The following DROSHA variants were observed in gnomAD, a reference collection of about 807,000 sequenced individuals.
DROSHA encodes the protein ribonuclease 3.
Under a neutral mutation model 181.9 loss-of-function variants are expected in DROSHA, and 56 were observed. The ratio of observed to expected loss-of-function variants is 0.31; its 90% CI spans 0.25 to 0.38. The LOEUF is 0.38. DROSHA is among the 10% of genes least tolerant of loss of function. The pLI is 1.00. For missense variants in DROSHA, 1,218 were observed against 1,743.5 expected, an observed-to-expected ratio of 0.70 and a Z score of 5.37; for synonymous variants, 524 against 591.2, an observed-to-expected ratio of 0.89 and a Z score of 1.65.
At chr5:31,497,208 C>T (rs926244626) in intron 11 of DROSHA, among the ~76,000 whole-genome samples, 7 of 47,280 alleles carry the variant, frequency 1.5e-4, no homozygotes, top group Non-Finnish European at 6.6e-5. Flanking sequence ...ATCAGGAGTG[C>T]AGAGAGGATA....
chr5:31,417,305 T>C (rs979826189), intron 30 of DROSHA, among the ~76,000 whole-genome samples: 1 of 152,182 alleles, frequency 6.6e-6, no homozygotes, highest in Non-Finnish European at 1.5e-5. Flanking sequence ...AAGAGTCTTA[T>C]GAAAAACAGA....
intron 29 of DROSHA, 88 bp from the exon 30 acceptor site, chr5:31,421,465 T>TA: frequency 9.4e-7 from 1 of 1,060,308 alleles, no homozygotes; most frequent in Admixed American, 1.9e-5. Context: ...AGGAATGACT[T>TA]AAAAAGACAA....
chr5:31,498,648 G>A (rs1371939753), intron 11 of DROSHA, among the ~76,000 whole-genome samples: 9 of 151,866 alleles, frequency 5.9e-5, no homozygotes, highest in Admixed American at 4.6e-4. Context: ...GCCTGAGGTC[G>A]GGAGTTCAAG....
intron 31 of DROSHA, 36 bp downstream of exon 31, chr5:31,410,710 A>G: frequency 6.2e-7 from 1 of 1,600,022 alleles, no homozygotes; most frequent in Middle Eastern, 1.7e-4. Flanking sequence ...TTAAACTCTG[A>G]ACCTGGAGGT....
At chr5:31,507,624 CA>C (rs933952330) in intron 10 of DROSHA, among the ~76,000 whole-genome samples, 1 of 151,220 alleles carries the variant, frequency 6.6e-6, no homozygotes, top group African/African-American at 2.4e-5. Flanking sequence ...TCAAAAAAAA[CA>C]AAAAAACAAA....
intron 23 of DROSHA, among the ~76,000 whole-genome samples, chr5:31,443,392 GT>G (rs1745878961): frequency 6.6e-6 from 1 of 151,986 alleles, no homozygotes; most frequent in Non-Finnish European, 1.5e-5. Context: ...AGGCAGCTTG[GT>G]TTTCCCCTTT....
chr5:31,519,133 C>T lies in DROSHA; in HGVS notation c.947+1990G>A, dbSNP rs536873344. Among the ~76,000 whole-genome samples the T allele has an allele frequency of 3.7e-4, 57 of 152,226 alleles. 1 individual carries two copies. Among genetic ancestry groups the T allele is most frequent in the Middle Eastern group, 6.8e-3 (2 of 294 alleles). On this transcript the variant is annotated intron_variant, in intron 6 of 35. Coordinates refer to ENST00000344624, the MANE Select transcript of DROSHA (RefSeq NM_001382508.1). Reference sequence around the variant, plus strand: ...CATTTCTAATTTTTATTTTCTGCTGCGTTAGTCAGAACTTACAGAATTCAA... The same window carrying T: ...CATTTCTAATTTTTATTTTCTGCTGTGTTAGTCAGAACTTACAGAATTCAA...
In DROSHA at chr5:31,511,142, C is replaced by T; in HGVS notation, c.1325G>A (p.Arg442His). Reference protein sequence around the residue: ...DSTVVGTSRLRDLYDKFEEEL... With the variant: ...DSTVVGTSRLHDLYDKFEEEL... ...CTCCTCAAATTTGTCATATAAGTCA[C>T]GAAGCCTACTCGTTCCAACCACTGT... Residue 442 changes from arginine (R) to histidine (H), a missense_variant, in exon 9 of 36, where the codon CGT becomes CAT. This residue lies in a region of DROSHA where 460 missense variants were observed against 774.2 expected (regional missense o/e 0.59). Transcript: ENST00000344624. 2 of 1,613,796 alleles carry T rather than the reference C, an allele frequency of 1.2e-6. No homozygotes were observed. Among genetic ancestry groups the T allele is most frequent in the Non-Finnish European group, 1.7e-6 (2 of 1,179,822 alleles).
chr5:31,439,393 C>T (rs889663288), intron 23 of DROSHA, among the ~76,000 whole-genome samples: 3 of 152,126 alleles, frequency 2.0e-5, no homozygotes, highest in African/African-American at 7.2e-5. Flanking sequence ...ATCTCAGTGC[C>T]TATGTTCAAG....
At chr5:31,449,134 CAAAAA>C in intron 22 of DROSHA, 142 bp downstream of exon 22, 27 of 926,302 alleles carry the variant, frequency 2.9e-5, no homozygotes, top group South Asian at 9.9e-5. Context: ...GACCCTGTCT[CAAAAA>C]AAAAAAAAAA....
At chr5:31,466,414 A>G in intron 18 of DROSHA, 133 bp from the exon 19 acceptor site, 1 of 748,436 alleles carries the variant, frequency 1.3e-6, no homozygotes, top group Non-Finnish European at 2.2e-6. Flanking sequence ...GCAGAAAGCC[A>G]TCATTCTAAG....
At chr5:31,498,463 T>C (rs894449863) in intron 11 of DROSHA, among the ~76,000 whole-genome samples, 4 of 152,116 alleles carry the variant, frequency 2.6e-5, no homozygotes, top group African/African-American at 9.7e-5. Flanking sequence ...ATAGGAAATT[T>C]AAAAAGCTAG....
chr5:31,404,084 A>AT lies in DROSHA; in HGVS notation c.3994+1592dup, dbSNP rs57056439. ...AAGTGCATGCCACCAAGCCTGGCTA[A>AT]TTTTTTTTTTTTTTTTAATTTTTTG... On this transcript the variant is annotated intron_variant, in intron 35 of 35. Transcript: ENST00000344624. 2.1e-3 allele frequency among the ~76,000 whole-genome samples: 306 copies of AT among 144,564 alleles called. 1 individual carries two copies. Among genetic ancestry groups the AT allele is most frequent in the African/African-American group, 5.1e-3 (203 of 39,570 alleles). The allele number at this position is 144,564 out of a possible 152,430, so 94.8% of individuals were successfully genotyped here. A position where few individuals can be genotyped will look rare whatever the true frequency, so the allele number is the denominator to read the frequency against.
chr5:31,409,549 A>G lies in DROSHA; in HGVS notation c.3668-217T>C, dbSNP rs1741050291. 1.9e-6 allele frequency: 1 copy of G among 535,786 alleles called. No homozygotes were observed. Among genetic ancestry groups the G allele is most frequent in the Non-Finnish European group, 3.4e-6 (1 of 296,720 alleles). The allele number at this position is 535,786 out of a possible 1,614,324, so 33.2% of individuals were successfully genotyped here. ...ATGCAAATCATAGAGTACAAACACCAAACTGCATTTAGCTAAGGGCTAAAG... is the reference window on the plus strand; with the variant it reads ...ATGCAAATCATAGAGTACAAACACCGAACTGCATTTAGCTAAGGGCTAAAG... On this transcript the variant is annotated intron_variant, in intron 31 of 35. Coordinates refer to ENST00000344624, the MANE Select transcript of DROSHA (RefSeq NM_001382508.1). The surrounding 1 kb of genome is among the most constrained non-coding windows in gnomAD (Gnocchi z 4.0).
intron 13 of DROSHA, among the ~76,000 whole-genome samples, chr5:31,491,116 T>C (rs1752347785): frequency 6.6e-6 from 1 of 151,620 alleles, no homozygotes; most frequent in Non-Finnish European, 1.5e-5. Flanking sequence ...AAAAATTATG[T>C]CTGATTCTCA....
intron 3 of DROSHA, among the ~76,000 whole-genome samples, chr5:31,529,980 G>A (rs542222306): frequency 4.6e-5 from 7 of 152,266 alleles, no homozygotes; most frequent in African/African-American, 1.7e-4. Flanking sequence ...ACAAAAAGCT[G>A]TAACATAGAA....
intron 4 of DROSHA, among the ~76,000 whole-genome samples, chr5:31,528,469 C>T (rs1740851045): frequency 6.6e-6 from 1 of 152,166 alleles, no homozygotes; most frequent in South Asian, 2.1e-4. Flanking sequence ...AGGGAATCAT[C>T]TGACTTGTCC....
At chr5:31,457,840 T>G (rs1747853791) in intron 20 of DROSHA, among the ~76,000 whole-genome samples, 1 of 152,188 alleles carries the variant, frequency 6.6e-6, no homozygotes, top group African/African-American at 2.4e-5. Flanking sequence ...TAGTGAGCCA[T>G]GATCGCAGTG....
At position 31,422,919 on chromosome 5, in the gene DROSHA, T is replaced by C. The variant is rs1241512832; in HGVS notation, c.3287A>G (p.Gln1096Arg). The stretch of plus-strand genomic sequence containing the variant: ...TAGAACTGGAGAAGTTTCAATAAGT[T>C]GTCGATCAGTATTTGGCTCTTGTAG... The part of the protein sequence containing the change: ...LQLQEPNTDR[Q>R]LIETSPVLQK... Residue 1096 changes from glutamine to arginine, a missense_variant, in exon 29 of 36, where the codon CAA becomes CGA. Transcript: ENST00000344624. The C allele has an allele frequency of 6.2e-7, 1 of 1,608,640 alleles. No individual in the cohort carries two copies. The highest frequency in any genetic ancestry group is 8.5e-7 in the Non-Finnish European group (1 of 1,177,582).
Sources: allele counts gnomAD v4.1 joint callset (sites outside exome capture counted in the v4.1 genomes callset), GRCh38; gene constraint gnomAD v4.1.1; regional missense constraint gnomAD v4.1.1; non-coding constraint Gnocchi (gnomAD v3.1); transcripts MANE v1.5; gene names NCBI Gene and HGNC (gene_info 2026-07-23, HGNC 2026-07-21).